CACNA1C: variants seen among roughly 807,000 people sequenced by gnomAD.
CACNA1C encodes the protein voltage-dependent L-type calcium channel subunit alpha-1C.
A neutral mutation model predicts 229.0 loss-of-function variants in CACNA1C; 30 were observed. The observed-to-expected ratio is 0.13, with a 90% CI of 0.10 to 0.18. The LOEUF (loss-of-function observed/expected upper bound fraction) is 0.18, where lower values mean the gene tolerates loss of function less well. Ranked by LOEUF, CACNA1C falls within the 10% of genes least tolerant of loss-of-function variation. The pLI, the probability that CACNA1C is intolerant of heterozygous loss-of-function variation, is 1.00. For missense variants in CACNA1C, 1,658 were observed against 2,845.0 expected (o/e 0.58, Z 9.49); for synonymous variants, 1,114 against 1,132.5 (o/e 0.98, Z 0.33).
At chr12:2,576,158 T>C (rs2058307888) in intron 13 of CACNA1C, among the ~76,000 whole-genome samples, 1 of 152,166 alleles carries the variant, frequency 6.6e-6, no homozygotes, top group Non-Finnish European at 1.5e-5. Flanking sequence ...TGAAAAGCCC[T>C]CAGATGTGCT....
intron 3 of CACNA1C, among the ~76,000 whole-genome samples, chr12:2,305,075 C>T (rs1026466175): frequency 2.6e-5 from 4 of 152,220 alleles, no homozygotes; most frequent in Non-Finnish European, 5.9e-5. Flanking sequence ...TGGGCAGAGA[C>T]TCCTTGGCAG....
At chr12:2,252,409 G>T (rs1379282200) in intron 3 of CACNA1C, among the ~76,000 whole-genome samples, 2 of 152,178 alleles carry the variant, frequency 1.3e-5, no homozygotes, top group Non-Finnish European at 2.9e-5. Flanking sequence ...CAAACGTTTG[G>T]GTTGTAGGAC....
rs2097427184 is a variant in CACNA1C at position 2,685,756 on chromosome 12, A to G, written c.5594A>G (p.Glu1865Gly). The change falls in exon 44 of 47, where the codon GAA (glutamate) becomes GGA (glycine). Residue 1865 changes from glutamate to glycine, a missense_variant. Glu to Gly is a moderately conservative substitution (Grantham distance 98). This residue lies in a region of CACNA1C where 590 missense variants were observed against 700.8 expected (regional missense o/e 0.84). Transcript: ENST00000399655. ...STEMLSYQDDENRQLTLPEED... is the reference protein window; with the variant it reads ...STEMLSYQDDGNRQLTLPEED... The stretch of plus-strand genomic sequence containing the variant: ...TCCAGGCTCTCCTACCAGGATGACG[A>G]AAATCGGCAACTGACGCTCCCAGAG... 6.2e-7 allele frequency: 1 copy of G among 1,613,610 alleles called. No individual in the cohort carries two copies. Among genetic ancestry groups the G allele is most frequent in the African/African-American group, 1.3e-5 (1 of 74,928 alleles).
intron 3 of CACNA1C, among the ~76,000 whole-genome samples, chr12:2,179,914 C>T (rs977301960): frequency 9.9e-5 from 15 of 152,204 alleles, no homozygotes; most frequent in African/African-American, 3.6e-4. Flanking sequence ...TCTTTCTCTG[C>T]TTCAAATGAA....
At chr12:2,375,683 T>A (rs2098033732) in intron 3 of CACNA1C, among the ~76,000 whole-genome samples, 1 of 152,252 alleles carries the variant, frequency 6.6e-6, no homozygotes, top group Admixed American at 6.5e-5. Flanking sequence ...TGCTTATTAT[T>A]GCTGCTGTTG....
chr12:1,991,201 G>C lies in CACNA1C; in HGVS notation c.139+20000G>C, dbSNP rs775522708. On this transcript the variant is annotated intron_variant, in intron 1 of 46. Coordinates refer to the CACNA1C transcript ENST00000682462. Reference sequence around the variant, plus strand: ...AACGGAAGTGAAATCAGAATCTGTGGGTTTTTACACAGTCTGCCTCCTCAC... The same window carrying C: ...AACGGAAGTGAAATCAGAATCTGTGCGTTTTTACACAGTCTGCCTCCTCAC... 24 of 455,922 alleles carry C rather than the reference G, an allele frequency of 5.3e-5. 1 individual carries two copies. The highest frequency in any genetic ancestry group is 4.4e-6 in the Non-Finnish European group (1 of 226,870). 28.2% of individuals were successfully genotyped at this position (455,922 alleles called of 1,614,324 possible). A position where few individuals can be genotyped will look rare whatever the true frequency, so the allele number is the denominator to read the frequency against.
At chr12:2,150,370 C>T (rs995681554) in intron 3 of CACNA1C, among the ~76,000 whole-genome samples, 1 of 152,206 alleles carries the variant, frequency 6.6e-6, no homozygotes, top group Non-Finnish European at 1.5e-5. Context: ...ATTCCCCAGT[C>T]TCCCAACATT....
Position 2,677,175 on chromosome 12 carries a change from A to G in CACNA1C, c.4910A>G (p.Gln1637Arg), listed in dbSNP as rs769587263. 3 of 1,613,880 alleles carry G rather than the reference A, an allele frequency of 1.9e-6. No homozygotes were observed. Among genetic ancestry groups the G allele is most frequent in the Non-Finnish European group, 2.5e-6 (3 of 1,179,832 alleles). The change falls in exon 40 of 47, where the codon CAG becomes CGG. Residue 1637 changes from glutamine to arginine, a missense_variant. By Grantham distance (43) the Gln-to-Arg change is conservative. This residue lies in a region of CACNA1C where 590 missense variants were observed against 700.8 expected (regional missense o/e 0.84). Transcript: ENST00000399655. This position sits in a 1 kb window ranked among gnomAD's most constrained non-coding sequence, Gnocchi z 7.4. ...YFRKFKKRKE[Q>R]GLVGKPSQRN... is the part of the protein sequence containing the mutation. ...CGGAAGTTCAAGAAGCGCAAAGAGC[A>G]GGGCCTTGTGGGCAAGCCCTCCCAG...
chr12:2,342,774 C>A (rs532303901), intron 3 of CACNA1C, among the ~76,000 whole-genome samples: 3 of 152,322 alleles, frequency 2.0e-5, no homozygotes, highest in East Asian at 1.9e-4. Context: ...TATACCAGTT[C>A]TTTGCCCTTA....
chr12:2,688,702 G>A lies in CACNA1C; in HGVS notation c.6040G>A (p.Val2014Ile), dbSNP rs199473660. The change falls in exon 46 of 47, where the codon GTC becomes ATC. Residue 2014 changes from valine (V) to isoleucine (I), a missense_variant. Physicochemically the swap from Val to Ile is conservative, Grantham distance 29. Around this residue, in one of 20 missense-constraint regions of CACNA1C, gnomAD observed 590 missense variants for 700.8 expected, o/e 0.84. Coordinates refer to ENST00000399655, the MANE Select transcript of CACNA1C (RefSeq NM_000719.7). ...GSSAARRVRP[V>I]SLMVPSQAGA... The stretch of plus-strand genomic sequence containing the variant: ...CAGCGCCGCCCGGAGAGTCCGGCCC[G>A]TCTCCCTCATGGTGCCCAGCCAGGC... 2.5e-4 allele frequency: 401 copies of A among 1,610,992 alleles called. No individual in the cohort carries two copies. Among genetic ancestry groups the A allele is most frequent in the South Asian group, 8.5e-4 (77 of 90,896 alleles).
chr12:2,192,001 C>T (rs1447269784), intron 3 of CACNA1C, among the ~76,000 whole-genome samples: 1 of 151,154 alleles, frequency 6.6e-6, no homozygotes, highest in African/African-American at 2.5e-5. Context: ...CACATGTATT[C>T]ACACACATAC....
At chr12:2,550,849 G>C (rs1352064648) in intron 10 of CACNA1C, among the ~76,000 whole-genome samples, 2 of 152,170 alleles carry the variant, frequency 1.3e-5, no homozygotes, top group Non-Finnish European at 2.9e-5. Context: ...GTTGGGGAGG[G>C]AGAATGAGGC....
upstream of CACNA1C, among the ~76,000 whole-genome samples, chr12:2,052,800 G>C (rs994886741): frequency 1.4e-5 from 2 of 145,422 alleles, no homozygotes; most frequent in Admixed American, 6.8e-5. Flanking sequence ...TCGGGCTCCA[G>C]TCCGCCGCCG....
At position 2,682,655 on chromosome 12, in the gene CACNA1C, G is replaced by A. The variant is rs367783859; in HGVS notation, c.5550G>A (p.Glu1850=). The change falls in exon 43 of 47, where the codon GAG becomes GAA. Residue 1850 remains glutamate (E), a synonymous_variant. Coordinates refer to ENST00000399655, the MANE Select transcript of CACNA1C (RefSeq NM_000719.7). Reference sequence around the variant, plus strand: ...ACCATGACACGGAGGCCTGCAGTGAGCCCAGCCTGCTCTCCACAGAGATGT... The same window carrying A: ...ACCATGACACGGAGGCCTGCAGTGAACCCAGCCTGCTCTCCACAGAGATGT... ...KMNHDTEACS[E]PSLLSTEMLS... is the part of the protein sequence containing the mutation. 1.3e-4 allele frequency: 205 copies of A among 1,611,404 alleles called. No individual in the cohort carries two copies. The highest frequency in any genetic ancestry group is 1.7e-4 in the Non-Finnish European group (195 of 1,179,536).
At chr12:2,675,631 A>C (rs1328192824) in intron 39 of CACNA1C, among the ~76,000 whole-genome samples, 3 of 152,182 alleles carry the variant, frequency 2.0e-5, no homozygotes, top group Admixed American at 2.0e-4. Context: ...AGTTTTCCTC[A>C]ATTTACACAG....
At chr12:2,395,154 G>A (rs1302139697) in intron 3 of CACNA1C, among the ~76,000 whole-genome samples, 1 of 151,140 alleles carries the variant, frequency 6.6e-6, no homozygotes, top group Non-Finnish European at 1.5e-5. Context: ...GAGTAGCTGG[G>A]ACTACAGGCA....
chr12:2,140,983 A>G (rs1597111909), intron 3 of CACNA1C, among the ~76,000 whole-genome samples: 1 of 151,156 alleles, frequency 6.6e-6, no homozygotes, highest in South Asian at 2.1e-4. Context: ...TGGAGCGGGT[A>G]GGCAGGGAGG....
intron 28 of CACNA1C, 119 bp from the exon 29 acceptor site, chr12:2,611,784 G>C (rs1276634770): frequency 3.1e-6 from 2 of 636,876 alleles, no homozygotes; most frequent in Admixed American, 4.9e-5. Flanking sequence ...GCCCTCTGGG[G>C]GTTTGGTTCA....
At chr12:2,600,751 C>T (rs1230485895) in intron 21 of CACNA1C, among the ~76,000 whole-genome samples, 2 of 152,198 alleles carry the variant, frequency 1.3e-5, no homozygotes, top group African/African-American at 4.8e-5. Context: ...TTCCAAAGGG[C>T]TTTCACAAAG....
Sources: allele counts gnomAD v4.1 joint callset (sites outside exome capture counted in the v4.1 genomes callset), GRCh38; gene constraint gnomAD v4.1.1; regional missense constraint gnomAD v4.1.1; non-coding constraint Gnocchi (gnomAD v3.1); transcripts MANE v1.5; gene names NCBI Gene and HGNC (gene_info 2026-07-23, HGNC 2026-07-21).